Variants in CEP57 observed in about 807,000 individuals in gnomAD.
The protein encoded by CEP57 is centrosomal protein of 57 kDa.
A neutral mutation model predicts 68.0 loss-of-function variants in CEP57; 40 were observed. That is an observed-to-expected ratio of 0.59 (90% CI 0.46 to 0.77). The LOEUF (loss-of-function observed/expected upper bound fraction) is 0.77, where lower values mean the gene tolerates loss of function less well. CEP57 is among the 30% of genes least tolerant of loss of function. The pLI is 0.00. For missense variants in CEP57, 606 were observed against 580.7 expected, an observed-to-expected ratio of 1.04 and a Z score of -0.45; for synonymous variants, 219 against 198.7, an observed-to-expected ratio of 1.10 and a Z score of -0.86.
Position 95,821,966 on chromosome 11 carries a change from A to T in CEP57, c.795A>T (p.Lys265Asn). 6.2e-7 allele frequency: 1 copy of T among 1,611,774 alleles called. No individual in the cohort carries two copies. The highest frequency in any genetic ancestry group is 8.5e-7 in the Non-Finnish European group (1 of 1,178,710). Residue 265 changes from lysine to asparagine, a missense_variant, in exon 7 of 11, where the codon AAA becomes AAT. Coordinates refer to ENST00000325542, the MANE Select transcript of CEP57 (RefSeq NM_014679.5). ...NARRIKKKKS[K>N]PPEKKSSRNY... is the part of the protein sequence containing the mutation. Reference sequence around the variant, plus strand: ...GAAGAATTAAAAAAAAGAAGTCAAAACCACCAGAAAAGGTGTGAAGACAGA... The same window carrying T: ...GAAGAATTAAAAAAAAGAAGTCAAATCCACCAGAAAAGGTGTGAAGACAGA...
chr11:95,821,833 T>C (rs888598885), intron 6 of CEP57, 38 bp from the exon 7 acceptor site: 2 of 1,399,528 alleles, frequency 1.4e-6, no homozygotes, highest in Non-Finnish European at 2.0e-6. Context: ...ATAGCTTTTA[T>C]TTCTACAGCA....
intron 2 of CEP57, 162 bp from the exon 3 acceptor site, chr11:95,812,770 A>C: frequency 2.8e-6 from 2 of 713,992 alleles, no homozygotes; most frequent in South Asian, 3.1e-5. Context: ...ATTTTTTAAA[A>C]AACAAATATG....
intron 2 of CEP57, 73 bp downstream of exon 2, chr11:95,799,461 T>C (rs749696326): frequency 6.4e-7 from 1 of 1,572,716 alleles, no homozygotes; most frequent in Non-Finnish European, 8.7e-7. Context: ...TTGTCCTCCA[T>C]TATTTTGCCA....
At chr11:95,826,315 C>G (rs1862741269) in intron 8 of CEP57, 1 of 152,138 alleles carries the variant, frequency 6.6e-6, no homozygotes, top group Admixed American at 6.5e-5. Flanking sequence ...TGCTTCCAGT[C>G]AACAGCAGGC....
chr11:95,821,806 C>A, intron 6 of CEP57, 65 bp from the exon 7 acceptor site: 2 of 1,106,624 alleles, frequency 1.8e-6, no homozygotes, highest in Non-Finnish European at 1.4e-6. Context: ...TTACATGACA[C>A]ATCTGAAATC....
chr11:95,810,816 C>G (rs685908), intron 2 of CEP57, among the ~76,000 whole-genome samples: 1 of 151,982 alleles, frequency 6.6e-6, no homozygotes, highest in Admixed American at 6.6e-5. Flanking sequence ...CAAGCTACCA[C>G]TGACTTTCGT....
intron 3 of CEP57, 34 bp downstream of exon 3, chr11:95,813,145 A>G (rs771718969): frequency 2.7e-5 from 43 of 1,592,870 alleles, no homozygotes; most frequent in Non-Finnish European, 3.6e-5. Flanking sequence ...ATTCTATCAA[A>G]ATAAGTGTTG....
At chr11:95,818,125 T>G (rs983551057) in intron 5 of CEP57, 2 of 456,482 alleles carry the variant, frequency 4.4e-6, no homozygotes, top group African/African-American at 4.0e-5. Flanking sequence ...AAATTAAATG[T>G]TTTTGGCCGG....
intron 2 of CEP57, among the ~76,000 whole-genome samples, chr11:95,800,238 T>C (rs1295670111): frequency 1.3e-5 from 2 of 152,224 alleles, no homozygotes; most frequent in African/African-American, 2.4e-5. Context: ...CTTAGCCAAA[T>C]TCAGTTCCTT....
In CEP57 at chr11:95,830,898, A is replaced by G. The variant is rs1050539540; in HGVS notation, c.1273-128A>G. 1.3e-5 allele frequency: 8 copies of G among 623,966 alleles called. No homozygotes were observed. The East Asian group carries it at 2.3e-4, about 18-fold the overall frequency. The allele number at this position is 623,966 out of a possible 1,614,324, so 38.7% of individuals were successfully genotyped here. A position where few individuals can be genotyped will look rare whatever the true frequency, so the allele number is the denominator to read the frequency against. ...TTTTGAAGTCTTTAAAAGAAAGCCT[A>G]GAATGTATTATTTTTCAGTTAGCAT... is the stretch of plus-strand genomic sequence containing the variant. On this transcript the variant is annotated intron_variant, in intron 10 of 10. Transcript: ENST00000325542.
chr11:95,795,547 G>C, intron 1 of CEP57: 1 of 532,492 alleles, frequency 1.9e-6, no homozygotes, highest in South Asian at 2.7e-5. Flanking sequence ...GTACAATGTT[G>C]ACCAGAATTG....
chr11:95,792,354 G>A (rs955498842), intron 1 of CEP57, among the ~76,000 whole-genome samples: 1 of 152,184 alleles, frequency 6.6e-6, no homozygotes, highest in African/African-American at 2.4e-5. Flanking sequence ...ATTGAGTCTG[G>A]GTGCGTGGCT....
At chr11:95,793,387 C>T (rs1393841520) in intron 1 of CEP57, among the ~76,000 whole-genome samples, 1 of 111,138 alleles carries the variant, frequency 9.0e-6, no homozygotes, top group African/African-American at 3.7e-5. Flanking sequence ...GATTAATGAC[C>T]TAATCTCTTG....
At chr11:95,806,991 A>T (rs1477475494) in intron 2 of CEP57, among the ~76,000 whole-genome samples, 25 of 152,178 alleles carry the variant, frequency 1.6e-4, no homozygotes. Context: ...CTGACACCTC[A>T]TACAGCCGGG....
At chr11:95,808,673 G>A (rs868132837) in intron 2 of CEP57, among the ~76,000 whole-genome samples, 12 of 152,036 alleles carry the variant, frequency 7.9e-5, no homozygotes, top group Admixed American at 1.3e-4. Flanking sequence ...ATATATATGC[G>A]CCCAATACAG....
At position 95,822,561 on chromosome 11, in the gene CEP57, A is replaced by G. The variant is rs760640925; in HGVS notation, c.870A>G (p.Pro290=). The part of the protein sequence containing the change: ...PHYRLCLGDM[P]FVAGKSTSPS... ...ATAGATTATGCTTGGGTGATATGCC[A>G]TTTGTAGCTGGGAAGGTGAGTTGGT... is the stretch of plus-strand genomic sequence containing the variant. Residue 290 remains proline, a synonymous_variant, in exon 8 of 11, where the codon CCA becomes CCG. Transcript: ENST00000325542. 4 of 1,613,564 alleles carry G rather than the reference A, an allele frequency of 2.5e-6. No individual in the cohort carries two copies. The highest frequency in any genetic ancestry group is 3.4e-6 in the Non-Finnish European group (4 of 1,179,652).
At chr11:95,808,044 G>T (rs919995278) in intron 2 of CEP57, among the ~76,000 whole-genome samples, 7 of 152,194 alleles carry the variant, frequency 4.6e-5, no homozygotes, top group Non-Finnish European at 4.4e-5. Flanking sequence ...CAAGCCAGAA[G>T]AGAGTGGGGG....
intron 2 of CEP57, among the ~76,000 whole-genome samples, chr11:95,809,932 A>G (rs1227150265): frequency 6.6e-6 from 1 of 152,248 alleles, no homozygotes; most frequent in Non-Finnish European, 1.5e-5. Flanking sequence ...CCTGATGATC[A>G]TTGATGCAAA....
chr11:95,794,189 C>G (rs1229682203), intron 1 of CEP57: 1 of 453,070 alleles, frequency 2.2e-6, no homozygotes, highest in Non-Finnish European at 4.4e-6. Flanking sequence ...AGGGGCAACT[C>G]TAGGGCAGTG....
Sources: gnomAD v4.1 joint callset for allele counts (sites outside exome capture counted in the v4.1 genomes callset) on GRCh38, gnomAD v4.1.1 for gene constraint, MANE v1.5 for transcripts, NCBI Gene and HGNC (gene_info 2026-07-23, HGNC 2026-07-21) for gene names.